The following RALYL variants were observed in gnomAD, a reference collection of about 807,000 sequenced individuals.
RALYL encodes the protein RALY RNA binding protein like, also known as RNA-binding Raly-like protein.
Under a neutral mutation model 35.1 loss-of-function variants are expected in RALYL, and 29 were observed. The observed-to-expected ratio is 0.83, with a 90% CI of 0.61 to 1.13. The LOEUF (loss-of-function observed/expected upper bound fraction) is 1.13, where lower values mean the gene tolerates loss of function less well. RALYL is among the 50% of genes most tolerant of loss of function. The probability of loss-of-function intolerance (pLI) is 0.00; values close to 1 mark genes in which losing one functional copy is unlikely to be tolerated. For missense variants in RALYL, 359 were observed against 360.4 expected (o/e 1.00, Z 0.03); for synonymous variants, 120 against 127.6 (o/e 0.94, Z 0.40).
At chr8:84,898,237 C>T (rs1256384421) in intron 8 of RALYL, among the ~76,000 whole-genome samples, 7 of 152,140 alleles carry the variant, frequency 4.6e-5, no homozygotes, top group Non-Finnish European at 5.9e-5. Context: ...AACTCTGGGG[C>T]GGACCCCAGT....
At chr8:84,245,327 T>A (rs764348028) in intron 1 of RALYL, among the ~76,000 whole-genome samples, 5 of 152,150 alleles carry the variant, frequency 3.3e-5, no homozygotes, top group Non-Finnish European at 5.9e-5. Flanking sequence ...CCTCATAAAA[T>A]GAAAGGAGGA....
chr8:84,655,069 A>C (rs1387494004), intron 2 of RALYL, among the ~76,000 whole-genome samples: 2 of 152,036 alleles, frequency 1.3e-5, no homozygotes, highest in African/African-American at 4.8e-5. Context: ...CAGTGCACGA[A>C]GTTTTCCTTT....
intron 1 of RALYL, among the ~76,000 whole-genome samples, chr8:84,515,644 T>C (rs2058001791): frequency 6.6e-6 from 1 of 152,202 alleles, no homozygotes; most frequent in Admixed American, 6.5e-5. Flanking sequence ...TTCTATTTGA[T>C]TTAGATTGTT....
At chr8:84,375,912 A>C (rs981153341) in intron 1 of RALYL, among the ~76,000 whole-genome samples, 6 of 151,870 alleles carry the variant, frequency 4.0e-5, no homozygotes, top group African/African-American at 1.4e-4. Flanking sequence ...ATCTCCAAAA[A>C]AGACTGTGAT....
intron 1 of RALYL, among the ~76,000 whole-genome samples, chr8:84,504,187 A>G (rs1183775665): frequency 6.6e-6 from 1 of 152,160 alleles, no homozygotes; most frequent in Non-Finnish European, 1.5e-5. Flanking sequence ...AGGCAATTCA[A>G]AAAAGAAGGA....
intron 2 of RALYL, among the ~76,000 whole-genome samples, chr8:84,735,802 T>C (rs1847154128): frequency 7.9e-6 from 1 of 127,136 alleles, no homozygotes; most frequent in Non-Finnish European, 1.6e-5. Flanking sequence ...CTTAAGATCA[T>C]CCAAACCGCG....
intron 2 of RALYL, among the ~76,000 whole-genome samples, chr8:84,751,414 G>A (rs888515745): frequency 1.6e-4 from 24 of 151,868 alleles, no homozygotes; most frequent in African/African-American, 5.3e-4. Context: ...CACCATGTTG[G>A]CCAGGCTGGT....
chr8:84,274,046 A>C (rs1452288432), intron 1 of RALYL, among the ~76,000 whole-genome samples: 2 of 152,316 alleles, frequency 1.3e-5, no homozygotes, highest in East Asian at 1.9e-4. Context: ...TTGGCAAAAA[A>C]CACATTTTTT....
intron 1 of RALYL, among the ~76,000 whole-genome samples, chr8:84,374,053 A>C (rs1457835324): frequency 6.6e-6 from 1 of 151,964 alleles, no homozygotes; most frequent in Non-Finnish European, 1.5e-5. Context: ...TTGTACACTC[A>C]TTTTGTATCC....
At chr8:84,624,202 T>G (rs1236483459) in intron 2 of RALYL, among the ~76,000 whole-genome samples, 2 of 152,178 alleles carry the variant, frequency 1.3e-5, no homozygotes, top group Non-Finnish European at 2.9e-5. Flanking sequence ...TCACTAATTT[T>G]TAGAAAACCT....
intron 1 of RALYL, among the ~76,000 whole-genome samples, chr8:84,497,647 T>TGTTTTTG (rs202052695): frequency 1.4e-5 from 2 of 147,492 alleles, no homozygotes; most frequent in African/African-American, 5.0e-5. Flanking sequence ...TTTTTGTTTT[T>TGTTTTTG]TTTTTTTTTT....
intron 4 of RALYL, among the ~76,000 whole-genome samples, chr8:84,828,051 C>T (rs771975433): frequency 3.3e-5 from 5 of 151,890 alleles, no homozygotes; most frequent in Non-Finnish European, 7.4e-5. Context: ...GTTGTTTGTC[C>T]ATAATAGGAT....
intron 1 of RALYL, among the ~76,000 whole-genome samples, chr8:84,237,321 G>C (rs1159517368): frequency 1.3e-5 from 2 of 152,176 alleles, no homozygotes; most frequent in Non-Finnish European, 2.9e-5. Flanking sequence ...TGAGACCACT[G>C]TGTACTAGAG....
intron 1 of RALYL, among the ~76,000 whole-genome samples, chr8:84,199,763 CA>C (rs1161196845): frequency 2.0e-5 from 3 of 152,130 alleles, no homozygotes; most frequent in African/African-American, 4.8e-5. Flanking sequence ...GTCTTTTCCC[CA>C]ATGCATGTTC....
At chr8:84,872,245 C>T (rs2135226960) in intron 6 of RALYL, among the ~76,000 whole-genome samples, 1 of 152,182 alleles carries the variant, frequency 6.6e-6, no homozygotes, top group East Asian at 1.9e-4. Context: ...ATTCCATTAT[C>T]CATTTGCATA....
intron 1 of RALYL, among the ~76,000 whole-genome samples, chr8:84,252,151 A>G (rs967904120): frequency 6.6e-6 from 1 of 152,058 alleles, no homozygotes; most frequent in African/African-American, 2.4e-5. Context: ...TTACAATTAC[A>G]TTTTGTGGTG....
At chr8:84,235,989 T>A (rs932240730) in intron 1 of RALYL, among the ~76,000 whole-genome samples, 6 of 151,876 alleles carry the variant, frequency 4.0e-5, no homozygotes, top group Non-Finnish European at 7.4e-5. Flanking sequence ...ATGGTCTTGA[T>A]CTCCTGACCT....
chr8:84,298,140 T>A (rs1044377994), intron 1 of RALYL, among the ~76,000 whole-genome samples: 2 of 152,120 alleles, frequency 1.3e-5, no homozygotes, highest in African/African-American at 4.8e-5. Flanking sequence ...ATTTCCTAGT[T>A]TTCTTCTGGG....
Position 84,591,726 on chromosome 8 carries a change from AG to A in RALYL, c.256+62152del, listed in dbSNP as rs578015992. The stretch of plus-strand genomic sequence containing the variant: ...AATACTTCTACATCGTGAACTGAAG[AG>A]GGCAGGACTTGAGCCAGACCTGGTG... On this transcript the variant is annotated intron_variant, in intron 2 of 8. Coordinates refer to ENST00000521268, the MANE Select transcript of RALYL (RefSeq NM_173848.7). 8.9e-4 allele frequency among the ~76,000 whole-genome samples: 136 copies of A among 152,298 alleles called. 1 individual carries two copies. The South Asian group carries it at 0.027, about 30-fold the overall frequency.
Sources: allele counts gnomAD v4.1 joint callset (sites outside exome capture counted in the v4.1 genomes callset), GRCh38; gene constraint gnomAD v4.1.1; transcripts MANE v1.5; gene names NCBI Gene and HGNC (gene_info 2026-07-23, HGNC 2026-07-21).